The following FSTL4 variants were observed in gnomAD, a reference collection of about 807,000 sequenced individuals.
FSTL4 encodes follistatin-related protein 4.
Under a neutral mutation model 78.2 loss-of-function variants are expected in FSTL4, and 28 were observed. The ratio of observed to expected loss-of-function variants is 0.36; its 90% CI spans 0.27 to 0.49. FSTL4 has a LOEUF of 0.49. Ranked by LOEUF, FSTL4 falls within the 20% of genes least tolerant of loss-of-function variation. FSTL4 has a pLI of 0.98. For synonymous variants in FSTL4, 422 were observed against 440.5 expected, an observed-to-expected ratio of 0.96 and a Z score of 0.53; for missense variants, 922 against 1,084.9, an observed-to-expected ratio of 0.85 and a Z score of 2.11.
the FSTL4 span, among the ~76,000 whole-genome samples, chr5:133,653,558 C>T: frequency 1.3e-5 from 2 of 152,216 alleles, no homozygotes; most frequent in Non-Finnish European, 2.9e-5. Context: ...GAAATGAGTT[C>T]TTTGCTGTTT....
the FSTL4 span, among the ~76,000 whole-genome samples, chr5:133,623,682 A>T: frequency 2.0e-5 from 3 of 152,078 alleles, no homozygotes; most frequent in African/African-American, 4.8e-5. Context: ...TGTATCAAAT[A>T]ACCTTATCAA....
chr5:133,252,207 A>T (rs558059266), intron 6 of FSTL4: 9 of 152,350 alleles, frequency 5.9e-5, no homozygotes, highest in African/African-American at 2.2e-4. Context: ...CATTGGGGTG[A>T]GGCTTGTAAA....
chr5:133,406,616 T>C (rs1355111103), intron 3 of FSTL4, among the ~76,000 whole-genome samples: 1 of 152,208 alleles, frequency 6.6e-6, no homozygotes, highest in Non-Finnish European at 1.5e-5. Context: ...GCCTCATTTA[T>C]ATTCAAGGGT....
intron 6 of FSTL4, among the ~76,000 whole-genome samples, chr5:133,306,283 C>T (rs968481060): frequency 5.3e-5 from 8 of 152,288 alleles, no homozygotes; most frequent in South Asian, 2.1e-4. Context: ...CCAGCAGGCA[C>T]GCAGGGCTGA....
In FSTL4 at chr5:133,221,911, T is replaced by TTTTTG. The variant is rs1561626810; in HGVS notation, c.1340-1046_1340-1045insCAAAA. Among the ~76,000 whole-genome samples the TTTTTG allele has an allele frequency of 1.5e-3, 179 of 115,900 alleles. 2 individuals are homozygous for TTTTTG. Among genetic ancestry groups the TTTTTG allele is most frequent in the African/African-American group, 7.2e-3 (168 of 23,264 alleles). The allele number at this position is 115,900 out of a possible 152,430, so 76.0% of individuals were successfully genotyped here. The stretch of plus-strand genomic sequence containing the variant: ...TTCTAGTTTTTTTTTTTTTTTTTTT[T>TTTTTG]TTTTTTTTTTTTTTTTAGCATGCTG... On this transcript the variant is annotated intron_variant, in intron 11 of 15. Coordinates refer to ENST00000265342, the MANE Select transcript of FSTL4 (RefSeq NM_015082.2).
intron 3 of FSTL4, among the ~76,000 whole-genome samples, chr5:133,517,177 C>A (rs1167581032): frequency 1.3e-5 from 2 of 151,584 alleles, no homozygotes; most frequent in Non-Finnish European, 2.9e-5. Flanking sequence ...AATCCCAGCA[C>A]TTTGGGAGGC....
At chr5:133,803,784 C>T in the FSTL4 span, among the ~76,000 whole-genome samples, 2 of 152,328 alleles carry the variant, frequency 1.3e-5, no homozygotes, top group South Asian at 4.1e-4. Context: ...CTGTTGTCTA[C>T]CTGGTATCAG....
rs151117095 is a variant in FSTL4, at chr5:133,394,472, C to T, written c.409+6266G>A. Among the ~76,000 whole-genome samples, 355 of 152,328 alleles carry T rather than the reference C, an allele frequency of 2.3e-3. 2 individuals are homozygous for T. Among genetic ancestry groups the T allele is most frequent in the Non-Finnish European group, 4.2e-3 (285 of 68,022 alleles). Reference sequence around the variant, plus strand: ...AGCGGCCAGCTGGCACCACTGGCCCCGGACAGCGAGGGGCTTAGCACCCGG... The same window carrying T: ...AGCGGCCAGCTGGCACCACTGGCCCTGGACAGCGAGGGGCTTAGCACCCGG... On this transcript the variant is annotated intron_variant, in intron 4 of 15. Transcript: ENST00000265342.
the FSTL4 span, among the ~76,000 whole-genome samples, chr5:133,768,237 T>C: frequency 6.6e-6 from 1 of 152,206 alleles, no homozygotes; most frequent in Admixed American, 6.5e-5. Context: ...TCCAACTCTC[T>C]GCCATTCAGG....
chr5:133,546,926 G>A (rs1759586776), intron 3 of FSTL4, among the ~76,000 whole-genome samples: 1 of 152,136 alleles, frequency 6.6e-6, no homozygotes. Context: ...AGATATGGGG[G>A]CATGGCTTCC....
chr5:133,670,944 A>G, the FSTL4 span, among the ~76,000 whole-genome samples: 1 of 152,192 alleles, frequency 6.6e-6, no homozygotes. Flanking sequence ...CCTGGATTCC[A>G]TCTCCAGATC....
intron 3 of FSTL4, among the ~76,000 whole-genome samples, chr5:133,486,139 C>T (rs1013797828): frequency 5.9e-5 from 9 of 151,808 alleles, no homozygotes; most frequent in Admixed American, 5.3e-4. Context: ...TGGGCAGAGG[C>T]GCCTGAGAGA....
the FSTL4 span, among the ~76,000 whole-genome samples, chr5:133,684,691 C>T: frequency 1.3e-5 from 2 of 152,146 alleles, no homozygotes; most frequent in Non-Finnish European, 2.9e-5. Context: ...AACCAGGGGA[C>T]TCGAAGCATT....
chr5:133,648,189 A>G, the FSTL4 span, among the ~76,000 whole-genome samples: 3 of 152,356 alleles, frequency 2.0e-5, no homozygotes, highest in East Asian at 5.8e-4. Flanking sequence ...AAGAAAAATA[A>G]AGTACAAACC....
At chr5:133,337,513 G>A (rs906509034) in intron 4 of FSTL4, among the ~76,000 whole-genome samples, 1 of 152,176 alleles carries the variant, frequency 6.6e-6, no homozygotes, top group African/African-American at 2.4e-5. Context: ...CCTGAGCAAA[G>A]CGCCGTGATT....
chr5:133,662,329 C>T, the FSTL4 span, among the ~76,000 whole-genome samples: 5 of 152,158 alleles, frequency 3.3e-5, no homozygotes, highest in African/African-American at 7.2e-5. Context: ...AGTTGAAATG[C>T]TCTGCAGTGC....
chr5:133,657,139 G>A, the FSTL4 span, among the ~76,000 whole-genome samples: 2 of 152,100 alleles, frequency 1.3e-5, no homozygotes, highest in African/African-American at 4.8e-5. Context: ...AGGAGTCTGG[G>A]GTTCAAAAGA....
chr5:133,686,925 G>A, the FSTL4 span, among the ~76,000 whole-genome samples: 41,113 of 152,164 alleles, frequency 0.27, 6,367 homozygotes, highest in South Asian at 0.37. Flanking sequence ...AGACTGGTCC[G>A]TCTGGACAGT....
At chr5:133,394,790 A>G (rs540128546) in intron 4 of FSTL4, among the ~76,000 whole-genome samples, 8 of 152,254 alleles carry the variant, frequency 5.3e-5, no homozygotes, top group Non-Finnish European at 1.2e-4. Context: ...TGAGGGATCC[A>G]CTAGGTGAAG....
Sources: allele counts gnomAD v4.1 joint callset (sites outside exome capture counted in the v4.1 genomes callset), GRCh38; gene constraint gnomAD v4.1.1; transcripts MANE v1.5; gene names NCBI Gene and HGNC (gene_info 2026-07-23, HGNC 2026-07-21).